Variants in OSBPL11 observed in about 807,000 individuals in gnomAD.
OSBPL11 encodes the protein oxysterol-binding protein-related protein 11.
Under a neutral mutation model 84.4 loss-of-function variants are expected in OSBPL11, and 33 were observed. That is an observed-to-expected ratio of 0.39 (90% confidence interval 0.30 to 0.52). The LOEUF (loss-of-function observed/expected upper bound fraction) is 0.52. OSBPL11 is among the 20% of genes least tolerant of loss of function. OSBPL11 has a pLI of 0.72. For missense variants in OSBPL11, 736 were observed against 901.1 expected (o/e 0.82, Z 2.35); for synonymous variants, 276 against 310.2 (o/e 0.89, Z 1.16).
intron 4 of OSBPL11, among the ~76,000 whole-genome samples, chr3:125,578,143 G>T (rs1398184143): frequency 3.3e-5 from 5 of 152,024 alleles, no homozygotes; most frequent in Non-Finnish European, 4.4e-5. Context: ...CCAATTGATG[G>T]ATTAAAAAAG....
rs548014825 is a variant in OSBPL11, at chr3:125,595,491, C to A, written c.-691G>T. On this transcript the variant is annotated 5_prime_UTR_variant, in exon 1 of 13. Transcript: ENST00000296220. ...CTCTCGCGCTATCTCCAGACCCAAG[C>A]GCGAATGCCAGGGCCGCGGCCGCCG... 6.6e-5 allele frequency among the ~76,000 whole-genome samples: 10 copies of A among 152,252 alleles called. No homozygotes were observed. The highest frequency in any genetic ancestry group is 2.0e-4 in the Admixed American group (3 of 15,300).
chr3:125,575,837 T>C (rs529593498), intron 5 of OSBPL11, among the ~76,000 whole-genome samples: 6 of 151,974 alleles, frequency 3.9e-5, no homozygotes, highest in Non-Finnish European at 7.4e-5. Context: ...ATGCCTGGCC[T>C]ATATCAGTTT....
At chr3:125,564,862 C>T (rs1293112384) in intron 6 of OSBPL11, among the ~76,000 whole-genome samples, 1 of 152,136 alleles carries the variant, frequency 6.6e-6, no homozygotes, top group African/African-American at 2.4e-5. Context: ...ACCATGTTGG[C>T]CAGGCTGGTC....
intron 11 of OSBPL11, among the ~76,000 whole-genome samples, chr3:125,534,123 A>G (rs1347374967): frequency 6.6e-6 from 1 of 152,150 alleles, no homozygotes; most frequent in African/African-American, 2.4e-5. Flanking sequence ...TGGCTCATGA[A>G]TAATTCTAGC....
chr3:125,530,990 T>A (rs1317727048), intron 12 of OSBPL11, among the ~76,000 whole-genome samples: 1 of 151,416 alleles, frequency 6.6e-6, no homozygotes, highest in African/African-American at 2.4e-5. Context: ...TTTCCTTTTT[T>A]TTTTCCCCCA....
Position 125,547,500 on chromosome 3 carries a change from G to T in OSBPL11, c.1747C>A (p.Leu583Met). 1 of 1,614,038 alleles carries T rather than the reference G, an allele frequency of 6.2e-7. No individual in the cohort carries two copies. Among genetic ancestry groups the T allele is most frequent in the Non-Finnish European group, 8.5e-7 (1 of 1,179,950 alleles). Residue 583 changes from leucine (L) to methionine (M), a missense_variant, in exon 10 of 13, where the codon CTG becomes ATG. Leu to Met is a conservative substitution (Grantham distance 15). Transcript: ENST00000296220. ...CAGTTGACACTGACTTTGCCACCCA[G>T]TTCTACCCAAGGAACAGTCAAAATT... ...RSILTVPWVE[L>M]GGKVSVNCAK... is the part of the protein sequence containing the mutation.
rs1936554769 is a variant in OSBPL11, at chr3:125,588,936, T to C, written c.164+5701A>G. On this transcript the variant is annotated intron_variant, in intron 1 of 12. Transcript: ENST00000296220. ...TAAAGTCTAACTGTATTTTAATCTA[T>C]GACAAAAAGTATAAAGTCAAGAGAG... Among the ~76,000 whole-genome samples the C allele has an allele frequency of 2.0e-5, 3 of 152,182 alleles. 1 individual carries two copies. In the South Asian group the frequency reaches 6.2e-4, roughly 31 times the overall value.
chr3:125,572,234 T>C (rs1222252352), intron 5 of OSBPL11, among the ~76,000 whole-genome samples: 1 of 152,240 alleles, frequency 6.6e-6, no homozygotes, highest in African/African-American at 2.4e-5. Flanking sequence ...ATTTATCCAA[T>C]GCCTGTACCC....
chr3:125,541,310 C>G (rs1339649029), intron 10 of OSBPL11, among the ~76,000 whole-genome samples: 1 of 152,158 alleles, frequency 6.6e-6, no homozygotes, highest in African/African-American at 2.4e-5. Context: ...GCCTGATAAA[C>G]AGTAAGTGCT....
At chr3:125,545,771 C>T (rs1288023802) in intron 10 of OSBPL11, among the ~76,000 whole-genome samples, 1 of 151,980 alleles carries the variant, frequency 6.6e-6, no homozygotes, top group Non-Finnish European at 1.5e-5. Context: ...AGCAGGCTCA[C>T]TTGGCTGCAT....
Position 125,595,002 on chromosome 3 carries a change from A to G in OSBPL11, c.-202T>C, listed in dbSNP as rs895502146. On this transcript the variant is annotated 5_prime_UTR_variant, in exon 1 of 13. Transcript: ENST00000296220. ...GTTAAACTTTTGAGAGGGCAGGGGA[A>G]GCAACGAGGACAGATATCCTTCACA... 1.8e-6 allele frequency: 1 copy of G among 563,004 alleles called. No individual in the cohort carries two copies. Among genetic ancestry groups the G allele is most frequent in the Non-Finnish European group, 3.1e-6 (1 of 318,562 alleles). 34.9% of individuals were successfully genotyped at this position (563,004 alleles called of 1,614,324 possible).
chr3:125,570,786 T>C (rs1405811654), intron 5 of OSBPL11, among the ~76,000 whole-genome samples: 1 of 152,192 alleles, frequency 6.6e-6, no homozygotes, highest in Non-Finnish European at 1.5e-5. Flanking sequence ...TCCCCAGCCA[T>C]GTGGAACTGT....
intron 7 of OSBPL11, 81 bp from the exon 8 acceptor site, chr3:125,560,600 T>C (rs12496976): frequency 0.091 from 112,788 of 1,236,622 alleles, 5,627 homozygotes; most frequent in Middle Eastern, 0.11. Flanking sequence ...AATATCAGAC[T>C]TGAAGACATT....
intron 2 of OSBPL11, among the ~76,000 whole-genome samples, chr3:125,582,118 T>C (rs896825475): frequency 6.6e-6 from 1 of 152,150 alleles, no homozygotes; most frequent in Non-Finnish European, 1.5e-5. Context: ...GTAGATCACC[T>C]GAAGTCAGGA....
chr3:125,550,888 C>CGAGA (rs1259266393), intron 9 of OSBPL11, among the ~76,000 whole-genome samples: 1 of 152,054 alleles, frequency 6.6e-6, no homozygotes, highest in Non-Finnish European at 1.5e-5. Flanking sequence ...GCCTCCATCT[C>CGAGA]CTAAAGTGCT....
chr3:125,590,751 T>C lies in OSBPL11; in HGVS notation c.164+3886A>G, dbSNP rs187962349. 2.6e-3 allele frequency among the ~76,000 whole-genome samples: 394 copies of C among 152,258 alleles called. 1 individual carries two copies. The highest frequency in any genetic ancestry group is 9.1e-3 in the African/African-American group (377 of 41,544). ...AGACATAGTAGAGACTCAAAAATAT[T>C]TGCTACATAAGTTAGAACATGAGTA... On this transcript the variant is annotated intron_variant, in intron 1 of 12. Transcript: ENST00000296220.
chr3:125,583,661 T>C (rs1936462077), intron 1 of OSBPL11, among the ~76,000 whole-genome samples: 1 of 143,758 alleles, frequency 7.0e-6, no homozygotes, highest in Admixed American at 7.1e-5. Flanking sequence ...GAGATCAAGA[T>C]AGGGGGATCA....
At chr3:125,563,923 G>C (rs371986550) in intron 6 of OSBPL11, 80 bp from the exon 7 acceptor site, 3 of 1,533,312 alleles carry the variant, frequency 2.0e-6, no homozygotes, top group African/African-American at 2.8e-5. Flanking sequence ...TAACAATTTT[G>C]TTTTGAGCCT....
At chr3:125,546,235 A>G (rs1580041516) in intron 10 of OSBPL11, among the ~76,000 whole-genome samples, 1 of 148,744 alleles carries the variant, frequency 6.7e-6, no homozygotes, top group Non-Finnish European at 1.5e-5. Context: ...GCACAGTGGC[A>G]CAATCACGGC....
Sources: gnomAD v4.1 joint callset for allele counts (sites outside exome capture counted in the v4.1 genomes callset) on GRCh38, gnomAD v4.1.1 for gene constraint, MANE v1.5 for transcripts, NCBI Gene and HGNC (gene_info 2026-07-23, HGNC 2026-07-21) for gene names.